RNF121: variants seen among roughly 807,000 people sequenced by gnomAD.
The protein encoded by RNF121 is ring finger protein 121, also known as E3 ubiquitin ligase RNF121.
Under a neutral mutation model 46.5 loss-of-function variants are expected in RNF121, and 21 were observed. The observed-to-expected ratio is 0.45, with a 90% CI of 0.32 to 0.65. The LOEUF is 0.65. Among genes scored for constraint, RNF121 ranks in the 30% least tolerant of loss-of-function variants. The probability of loss-of-function intolerance (pLI) is 0.04; values close to 1 mark genes in which losing one functional copy is unlikely to be tolerated. For synonymous variants in RNF121, 139 were observed against 144.7 expected (o/e 0.96, Z 0.28); for missense variants, 346 against 416.0 (o/e 0.83, Z 1.46).
At chr11:71,978,940 AT>A (rs1343219638) in intron 3 of RNF121, among the ~76,000 whole-genome samples, 1 of 152,180 alleles carries the variant, frequency 6.6e-6, no homozygotes, top group East Asian at 1.9e-4. Flanking sequence ...GTATCATTTC[AT>A]TTTGTTCATT....
chr11:71,942,353 T>C (rs1006820500), intron 1 of RNF121, among the ~76,000 whole-genome samples: 6 of 152,254 alleles, frequency 3.9e-5, no homozygotes, highest in Middle Eastern at 3.4e-3. Context: ...GTGAGAGGGT[T>C]AGGAAGTTAT....
At chr11:71,966,543 T>C (rs1027535214) in intron 3 of RNF121, among the ~76,000 whole-genome samples, 3 of 151,278 alleles carry the variant, frequency 2.0e-5, no homozygotes, top group Non-Finnish European at 2.9e-5. Context: ...GGGCAGCAGC[T>C]CCATCATAGC....
intron 3 of RNF121, among the ~76,000 whole-genome samples, chr11:71,974,815 C>T (rs1035288936): frequency 1.1e-4 from 17 of 152,188 alleles, no homozygotes; most frequent in African/African-American, 4.1e-4. Context: ...TCCCCACAAA[C>T]TCAGTGAATG....
chr11:71,943,969 G>A (rs928716145), intron 1 of RNF121, among the ~76,000 whole-genome samples: 4 of 152,140 alleles, frequency 2.6e-5, no homozygotes, highest in Non-Finnish European at 5.9e-5. Flanking sequence ...GACACATAAG[G>A]CCTTATATGC....
At chr11:71,942,627 G>C (rs1953602659) in intron 1 of RNF121, among the ~76,000 whole-genome samples, 1 of 151,884 alleles carries the variant, frequency 6.6e-6, no homozygotes, top group Non-Finnish European at 1.5e-5. Context: ...AGCTGGGCAT[G>C]GTGGCAGGTG....
chr11:71,990,957 G>A (rs1459296263), intron 6 of RNF121, among the ~76,000 whole-genome samples: 1 of 152,184 alleles, frequency 6.6e-6, no homozygotes, highest in Admixed American at 6.5e-5. Flanking sequence ...TCATAAGCCA[G>A]TTAATGCAGG....
intron 4 of RNF121, among the ~76,000 whole-genome samples, chr11:71,985,432 T>G (rs1404343364): frequency 6.6e-6 from 1 of 152,208 alleles, no homozygotes; most frequent in Non-Finnish European, 1.5e-5. Flanking sequence ...TAATCCATAT[T>G]GAGTTTTTTG....
At chr11:71,953,566 T>C (rs2134168410) in intron 1 of RNF121, among the ~76,000 whole-genome samples, 1 of 152,094 alleles carries the variant, frequency 6.6e-6, no homozygotes, top group East Asian at 1.9e-4. Context: ...GAGTCTGCGA[T>C]TTTCTGTTTC....
intron 1 of RNF121, among the ~76,000 whole-genome samples, chr11:71,938,519 A>G (rs1953479564): frequency 6.6e-6 from 1 of 151,808 alleles, no homozygotes; most frequent in Non-Finnish European, 1.5e-5. Context: ...TGGTTTCTCC[A>G]TGTTGGTCAG....
At chr11:71,947,440 G>C (rs1953752789) in intron 1 of RNF121, among the ~76,000 whole-genome samples, 1 of 150,034 alleles carries the variant, frequency 6.7e-6, no homozygotes, top group Admixed American at 6.6e-5. Context: ...AGTGAGCTAT[G>C]ATCAAGCCAC....
intron 1 of RNF121, among the ~76,000 whole-genome samples, chr11:71,946,654 T>G (rs143725515): frequency 2.4e-3 from 370 of 151,988 alleles, no homozygotes; most frequent in Middle Eastern, 0.01. Context: ...GAGGTTTTTT[T>G]TTTTTTTTTA....
intron 3 of RNF121, among the ~76,000 whole-genome samples, chr11:71,965,279 G>T (rs1273093149): frequency 2.0e-5 from 3 of 149,770 alleles, no homozygotes; most frequent in Non-Finnish European, 4.4e-5. Flanking sequence ...TTTTAAGACA[G>T]GGTCTCTGTT....
intron 1 of RNF121, among the ~76,000 whole-genome samples, chr11:71,953,617 C>T (rs1242019085): frequency 2.0e-5 from 3 of 152,118 alleles, no homozygotes; most frequent in Admixed American, 6.6e-5. Context: ...AGGCTGTAGA[C>T]CACACTTAGC....
chr11:71,964,539 C>T (rs1240969102), intron 3 of RNF121, among the ~76,000 whole-genome samples: 2 of 151,916 alleles, frequency 1.3e-5, no homozygotes, highest in Non-Finnish European at 2.9e-5. Flanking sequence ...TGCAGTATGG[C>T]GATTTCGGCT....
chr11:71,958,962 T>C (rs1954060987), intron 2 of RNF121, among the ~76,000 whole-genome samples: 1 of 152,230 alleles, frequency 6.6e-6, no homozygotes, highest in Non-Finnish European at 1.5e-5. Context: ...GCTATCTTTA[T>C]AACTCCTCAT....
intron 1 of RNF121, among the ~76,000 whole-genome samples, chr11:71,952,396 A>C (rs756221573): frequency 6.6e-6 from 1 of 152,260 alleles, no homozygotes; most frequent in Non-Finnish European, 1.5e-5. Flanking sequence ...TGGTGGTGAT[A>C]GTGGCACAAC....
At chr11:71,936,247 G>C (rs1565137879) in intron 1 of RNF121, among the ~76,000 whole-genome samples, 1 of 152,066 alleles carries the variant, frequency 6.6e-6, no homozygotes, top group African/African-American at 2.4e-5. Flanking sequence ...AGACAAAAAG[G>C]CTTACATATA....
chr11:71,933,274 A>G (rs1953319360), intron 1 of RNF121, among the ~76,000 whole-genome samples: 1 of 152,128 alleles, frequency 6.6e-6, no homozygotes, highest in Non-Finnish European at 1.5e-5. Flanking sequence ...GGATGTGTCC[A>G]CTCTCAAGTC....
intron 1 of RNF121, among the ~76,000 whole-genome samples, chr11:71,935,873 G>A (rs1411929015): frequency 8.3e-6 from 1 of 120,874 alleles, no homozygotes; most frequent in Non-Finnish European, 1.7e-5. Context: ...TTTTTGAGAT[G>A]GAGTGTCTCT....
Sources: gnomAD v4.1 joint callset for allele counts (sites outside exome capture counted in the v4.1 genomes callset) on GRCh38, gnomAD v4.1.1 for gene constraint, MANE v1.5 for transcripts, NCBI Gene and HGNC (gene_info 2026-07-23, HGNC 2026-07-21) for gene names.